The following ABHD17C variants were observed in gnomAD, a reference collection of about 807,000 sequenced individuals.
ABHD17C encodes the protein abhydrolase domain containing 17C, depalmitoylase, also known as alpha/beta hydrolase domain-containing protein 17C.
A neutral mutation model predicts 27.9 loss-of-function variants in ABHD17C; 11 were observed. That is an observed-to-expected ratio of 0.39 (90% confidence interval 0.25 to 0.65). The LOEUF (loss-of-function observed/expected upper bound fraction) is 0.65. ABHD17C is among the 30% of genes least tolerant of loss of function. The pLI is 0.45. For synonymous variants in ABHD17C, 233 were observed against 209.1 expected, an observed-to-expected ratio of 1.11 and a Z score of -0.98; for missense variants, 280 against 470.2, an observed-to-expected ratio of 0.60 and a Z score of 3.74.
intron 2 of ABHD17C, among the ~76,000 whole-genome samples, chr15:80,751,341 C>A (rs950949822): frequency 1.3e-5 from 2 of 151,604 alleles, no homozygotes; most frequent in East Asian, 3.9e-4. Flanking sequence ...GCCTAGGTGA[C>A]AGAGCAAGAT....
At chr15:80,717,983 G>A (rs1407207208) in intron 1 of ABHD17C, among the ~76,000 whole-genome samples, 2 of 152,162 alleles carry the variant, frequency 1.3e-5, no homozygotes, top group Admixed American at 6.5e-5. Flanking sequence ...TCTGCCTGGG[G>A]AGTCTCTCTG....
intron 1 of ABHD17C, among the ~76,000 whole-genome samples, chr15:80,745,877 C>T (rs113324492): frequency 6.4e-4 from 97 of 152,304 alleles, no homozygotes; most frequent in African/African-American, 2.3e-3. Flanking sequence ...TACCTTAGGG[C>T]TGTCTCTGTG....
chr15:80,743,874 T>C (rs1268874068), intron 1 of ABHD17C, among the ~76,000 whole-genome samples: 1 of 152,236 alleles, frequency 6.6e-6, no homozygotes, highest in Non-Finnish European at 1.5e-5. Flanking sequence ...TGCCTGGCTA[T>C]GAATACATCT....
intron 1 of ABHD17C, among the ~76,000 whole-genome samples, chr15:80,729,513 A>T (rs763207626): frequency 4.6e-5 from 7 of 152,184 alleles, no homozygotes; most frequent in Non-Finnish European, 7.3e-5. Context: ...ATTTGTTAAT[A>T]CTGTATAGAA....
chr15:80,695,462 C>A lies in ABHD17C; in HGVS notation c.33C>A (p.Phe11Leu), dbSNP rs1190213574. ...AGCCAGGCCCCAGGATGAACGGCTTCTCGCTGGGTGAGCTGTGCTGGCTCT... is the reference window on the plus strand; with the variant it reads ...AGCCAGGCCCCAGGATGAACGGCTTATCGCTGGGTGAGCTGTGCTGGCTCT... Reference protein sequence around the residue: MPEPGPRMNGFSLGELCWLFC... With the variant: MPEPGPRMNGLSLGELCWLFC... Residue 11 changes from phenylalanine to leucine, a missense_variant, in exon 1 of 3, where the codon TTC (phenylalanine) becomes TTA (leucine). Phe to Leu is a conservative substitution (Grantham distance 22, BLOSUM62 0). Transcript: ENST00000258884. The surrounding 1 kb of genome is among the most constrained non-coding windows in gnomAD (Gnocchi z 4.3). 1 of 1,376,672 alleles carries A rather than the reference C, an allele frequency of 7.3e-7. No homozygotes were observed. Among genetic ancestry groups the A allele is most frequent in the Non-Finnish European group, 9.5e-7 (1 of 1,052,918 alleles). The allele number at this position is 1,376,672 out of a possible 1,614,324, so 85.3% of individuals were successfully genotyped here.
At chr15:80,721,686 AAG>A (rs1894899494) in intron 1 of ABHD17C, among the ~76,000 whole-genome samples, 1 of 152,166 alleles carries the variant, frequency 6.6e-6, no homozygotes, top group African/African-American at 2.4e-5. Flanking sequence ...TACACTGAGG[AAG>A]GAAAGATTGG....
At chr15:80,731,036 C>T (rs1373641042) in intron 1 of ABHD17C, among the ~76,000 whole-genome samples, 2 of 152,144 alleles carry the variant, frequency 1.3e-5, no homozygotes, top group Admixed American at 1.3e-4. Flanking sequence ...TTTAGACTGA[C>T]TTTAAAAGGA....
rs1332081875 is a variant in ABHD17C, at chr15:80,754,665, ATC to A, written c.*297_*298del. On this transcript the variant is annotated 3_prime_UTR_variant, in exon 3 of 3. Transcript: ENST00000258884. ...CTAGTGCTGTATAAAGTAGCCTCGCATCTGTTTCTCAACCTTATCCATCATTT... is the reference window on the plus strand; with the variant it reads ...CTAGTGCTGTATAAAGTAGCCTCGCATGTTTCTCAACCTTATCCATCATTT... 3 of 285,080 alleles carry A rather than the reference ATC, an allele frequency of 1.1e-5. No homozygotes were observed. The highest frequency in any genetic ancestry group is 9.6e-5 in the Admixed American group (2 of 20,770). 17.7% of individuals were successfully genotyped at this position (285,080 alleles called of 1,614,324 possible). A position where few individuals can be genotyped will look rare whatever the true frequency, so the allele number is the denominator to read the frequency against.
chr15:80,741,369 A>C (rs555735078), intron 1 of ABHD17C, among the ~76,000 whole-genome samples: 2 of 152,182 alleles, frequency 1.3e-5, no homozygotes, highest in Admixed American at 6.5e-5. Context: ...TTTCTTCGTA[A>C]TTTCACAATT....
At chr15:80,697,303 T>C (rs138746512) in intron 1 of ABHD17C, among the ~76,000 whole-genome samples, 4 of 152,348 alleles carry the variant, frequency 2.6e-5, no homozygotes, top group East Asian at 1.9e-4. Context: ...TGCAGATGCA[T>C]TGGGTCAGAG....
At chr15:80,753,511 C>T (rs1198255881) in intron 2 of ABHD17C, among the ~76,000 whole-genome samples, 1 of 152,110 alleles carries the variant, frequency 6.6e-6, no homozygotes, top group East Asian at 1.9e-4. Flanking sequence ...TATGTCAGGG[C>T]ACTGTATTAT....
At chr15:80,704,622 A>G (rs1894617799) in intron 1 of ABHD17C, 1 of 151,384 alleles carries the variant, frequency 6.6e-6, no homozygotes, top group Non-Finnish European at 1.5e-5. Context: ...AGGAGGGCGC[A>G]GTCCTGAGAG....
At chr15:80,701,800 G>A (rs1384951540) in intron 1 of ABHD17C, among the ~76,000 whole-genome samples, 1 of 152,226 alleles carries the variant, frequency 6.6e-6, no homozygotes, top group Non-Finnish European at 1.5e-5. Context: ...TGAACAGGAA[G>A]AATGTAACTC....
At chr15:80,698,447 C>T (rs1026888620) in intron 1 of ABHD17C, among the ~76,000 whole-genome samples, 8 of 152,182 alleles carry the variant, frequency 5.3e-5, no homozygotes, top group Non-Finnish European at 1.0e-4. Context: ...ACACTGCACA[C>T]GTTCACCCAG....
chr15:80,711,018 A>G (rs551229484), intron 1 of ABHD17C, among the ~76,000 whole-genome samples: 1 of 152,290 alleles, frequency 6.6e-6, no homozygotes, highest in East Asian at 1.9e-4. Context: ...ATTTAAGTCT[A>G]GAGTTCAGGA....
chr15:80,722,636 CAT>C (rs1487534788), intron 1 of ABHD17C, among the ~76,000 whole-genome samples: 1 of 151,720 alleles, frequency 6.6e-6, no homozygotes, highest in Non-Finnish European at 1.5e-5. Flanking sequence ...TATTGTTAAT[CAT>C]ATGCTCTATA....
chr15:80,728,303 C>A (rs948638089), intron 1 of ABHD17C, among the ~76,000 whole-genome samples: 1 of 152,220 alleles, frequency 6.6e-6, no homozygotes, highest in Non-Finnish European at 1.5e-5. Flanking sequence ...CCAGAATGGT[C>A]TCTGGCGTCT....
rs187842830 is a variant in ABHD17C at position 80,720,726 on chromosome 15, A to G, written c.590+24707A>G. Among the ~76,000 whole-genome samples the G allele has an allele frequency of 2.3e-3, 346 of 152,080 alleles. 4 individuals carry two copies. Among genetic ancestry groups the G allele is most frequent in the African/African-American group, 7.9e-3 (328 of 41,480 alleles). On this transcript the variant is annotated intron_variant, in intron 1 of 2. Coordinates refer to ENST00000258884, the MANE Select transcript of ABHD17C (RefSeq NM_021214.2). ...ACCTGAGGTCAGGAGTTTGTGACCAACCTGGCCAACATGGTGAAACTCCGT... is the reference window on the plus strand; with the variant it reads ...ACCTGAGGTCAGGAGTTTGTGACCAGCCTGGCCAACATGGTGAAACTCCGT...
intron 1 of ABHD17C, among the ~76,000 whole-genome samples, chr15:80,726,628 T>G (rs530372423): frequency 6.9e-6 from 1 of 145,078 alleles, no homozygotes; most frequent in Non-Finnish European, 1.5e-5. Context: ...TTCTCCTGCC[T>G]CAGCCTCCCG....
Sources: gnomAD v4.1 joint callset for allele counts (sites outside exome capture counted in the v4.1 genomes callset) on GRCh38, gnomAD v4.1.1 for gene constraint, Gnocchi (gnomAD v3.1) non-coding constraint, MANE v1.5 for transcripts, NCBI Gene and HGNC (gene_info 2026-07-23, HGNC 2026-07-21) for gene names.